EIF3A: variants seen among roughly 807,000 people sequenced by gnomAD.
The protein encoded by EIF3A is EIF3, p180 subunit.
EIF3A carries 21 observed loss-of-function variants against 186.6 expected under a neutral mutation model. The ratio of observed to expected loss-of-function variants is 0.11; its 90% confidence interval spans 0.08 to 0.16. The LOEUF (loss-of-function observed/expected upper bound fraction) is 0.16. Ranked by LOEUF, EIF3A falls within the 10% of genes least tolerant of loss-of-function variation. The pLI is 1.00. For missense variants in EIF3A, 1,306 were observed against 1,796.3 expected, an observed-to-expected ratio of 0.73 and a Z score of 4.93; for synonymous variants, 563 against 584.3, an observed-to-expected ratio of 0.96 and a Z score of 0.52.
At position 119,044,063 on chromosome 10, in the gene EIF3A, G is replaced by A. The variant is rs769492560; in HGVS notation, c.2738C>T (p.Pro913Leu). ...CCTCAACTCTACTTACTTCTCTGGC[G>A]GGCCTCTTCTCCACTCAGAATCTGC... Reference protein sequence around the residue: ...PEADSEWRRGPPEKEWRRGEG... With the variant: ...PEADSEWRRGLPEKEWRRGEG... The change falls in exon 18 of 22, where the codon CCG (proline) becomes CTG (leucine). Residue 913 changes from proline to leucine, a missense_variant. Physicochemically the swap from Pro to Leu is moderately conservative, Grantham distance 98. This residue lies in a region of EIF3A where 410 missense variants were observed against 473.5 expected (regional missense o/e 0.87). Transcript: ENST00000369144. 1.4e-5 allele frequency: 22 copies of A among 1,611,658 alleles called. No homozygotes were observed. Among genetic ancestry groups the A allele is most frequent in the East Asian group, 4.5e-5 (2 of 44,866 alleles).
In EIF3A at chr10:119,060,844, C is replaced by T; in HGVS notation, c.1228G>A (p.Val410Ile). 1.9e-6 allele frequency: 3 copies of T among 1,588,408 alleles called. No individual in the cohort carries two copies. In the Admixed American group the frequency reaches 5.4e-5, roughly 28 times the overall value. The change falls in exon 9 of 22, where the codon GTT (valine) becomes ATT (isoleucine). Residue 410 changes from valine (V) to isoleucine (I), a missense_variant and splice_region_variant. Coordinates refer to ENST00000369144, the MANE Select transcript of EIF3A (RefSeq NM_003750.4). ...PLKLCERVTK[V>I]LNWVREQPEK... ...GGTTGTTCCCTAACCCAATTTAGAA[C>T]CTATAAAATCCATTAAATTGAAAGA...
At chr10:119,049,111 T>C (rs752037042) in intron 17 of EIF3A, among the ~76,000 whole-genome samples, 15 of 152,180 alleles carry the variant, frequency 9.9e-5, no homozygotes, top group Non-Finnish European at 1.9e-4. Context: ...ACAAGTATAA[T>C]TCTTCCCCCC....
intron 7 of EIF3A, among the ~76,000 whole-genome samples, chr10:119,063,548 T>TA (rs918606517): frequency 6.6e-6 from 1 of 152,222 alleles, no homozygotes; most frequent in African/African-American, 2.4e-5. Context: ...TAGGGACTGT[T>TA]AATGATTTAA....
intron 14 of EIF3A, among the ~76,000 whole-genome samples, chr10:119,056,160 G>GT (rs1456635797): frequency 6.6e-6 from 1 of 152,066 alleles, no homozygotes; most frequent in African/African-American, 2.4e-5. Context: ...ATTTGGTGCC[G>GT]TAAGCATTTG....
chr10:119,048,039 A>G (rs557662335), intron 17 of EIF3A, among the ~76,000 whole-genome samples: 2 of 152,206 alleles, frequency 1.3e-5, no homozygotes, highest in East Asian at 3.9e-4. Flanking sequence ...TTGCTCCCCA[A>G]TGGCTACAGC....
chr10:119,068,646 A>C (rs1417460585), intron 6 of EIF3A, among the ~76,000 whole-genome samples: 1 of 151,450 alleles, frequency 6.6e-6, no homozygotes, highest in East Asian at 1.9e-4. Flanking sequence ...CCTGGGCGAT[A>C]AGAGCGAAGG....
chr10:119,065,278 C>G (rs1275595737), intron 7 of EIF3A, 121 bp downstream of exon 7: 1 of 730,360 alleles, frequency 1.4e-6, no homozygotes, highest in East Asian at 2.7e-5. Flanking sequence ...CAGTGCTTCC[C>G]TGTCCATACA....
At chr10:119,073,629 A>C in intron 2 of EIF3A, 52 bp from the exon 3 acceptor site, 1 of 1,586,190 alleles carries the variant, frequency 6.3e-7, no homozygotes, top group Non-Finnish European at 8.6e-7. Flanking sequence ...ATTGAACCAT[A>C]AGATGTTTTA....
chr10:119,056,340 C>G (rs1475774622), intron 14 of EIF3A, among the ~76,000 whole-genome samples: 2 of 152,044 alleles, frequency 1.3e-5, no homozygotes, highest in Non-Finnish European at 2.9e-5. Flanking sequence ...TTGCCTAGGG[C>G]TGGGGTGGTG....
chr10:119,059,640 G>A lies in EIF3A; in HGVS notation c.1405C>T (p.Arg469Trp), dbSNP rs770069171. 53 of 1,613,934 alleles carry A rather than the reference G, an allele frequency of 3.3e-5. No individual in the cohort carries two copies. The highest frequency in any genetic ancestry group is 1.6e-4 in the Middle Eastern group (1 of 6,084). Residue 469 changes from arginine (R) to tryptophan (W), a missense_variant, in exon 10 of 22, where the codon CGG becomes TGG. Arg to Trp is a moderately radical substitution (Grantham distance 101). Transcript: ENST00000369144. ...VPFVDAFQLE[R>W]AIVDAARHCD... Reference sequence around the variant, plus strand: ...TGCCTGGCTGCATCTACTATGGCCCGTTCCAGTTGGAAAGCATCAACAAAA... The same window carrying A: ...TGCCTGGCTGCATCTACTATGGCCCATTCCAGTTGGAAAGCATCAACAAAA...
chr10:119,038,458 A>T lies in EIF3A; in HGVS notation c.3527-19T>A. The T allele has an allele frequency of 1.3e-6, 2 of 1,576,728 alleles. No homozygotes were observed. Among genetic ancestry groups the T allele is most frequent in the Non-Finnish European group, 1.7e-6 (2 of 1,161,984 alleles). ...CATCCACCTGTTTTTTTGAAAAAGC[A>T]AAACATTTTTAAAATATTTTTAAAA... is the stretch of plus-strand genomic sequence containing the variant. On this transcript the variant is annotated intron_variant, in intron 19 of 21. Coordinates refer to ENST00000369144, the MANE Select transcript of EIF3A (RefSeq NM_003750.4).
intron 1 of EIF3A, 25 bp from the exon 2 acceptor site, chr10:119,073,962 T>C: frequency 1.9e-6 from 3 of 1,569,540 alleles, no homozygotes; most frequent in Non-Finnish European, 2.6e-6. Flanking sequence ...AGAATTAAAA[T>C]TAGTTATGTA....
chr10:119,059,652 A>G lies in EIF3A; in HGVS notation c.1393T>C (p.Phe465Leu). 6.2e-7 allele frequency: 1 copy of G among 1,614,180 alleles called. No homozygotes were observed. Among genetic ancestry groups the G allele is most frequent in the Non-Finnish European group, 8.5e-7 (1 of 1,179,996 alleles). Residue 465 changes from phenylalanine to leucine, a missense_variant, in exon 10 of 22, where the codon TTC becomes CTC. Coordinates refer to ENST00000369144, the MANE Select transcript of EIF3A (RefSeq NM_003750.4). Reference sequence around the variant, plus strand: ...TCTACTATGGCCCGTTCCAGTTGGAAAGCATCAACAAAAGGAACCAAAGAA... The same window carrying G: ...TCTACTATGGCCCGTTCCAGTTGGAGAGCATCAACAAAAGGAACCAAAGAA... Reference protein sequence around the residue: ...LTSLVPFVDAFQLERAIVDAA... With the variant: ...LTSLVPFVDALQLERAIVDAA...
In EIF3A at chr10:119,042,685, A is replaced by G; in HGVS notation, c.2835T>C (p.Asp945=). ...ERPRRLGDDE[D]REPSLRPDDD... is the part of the protein sequence containing the mutation. ...CGTCTGGTCTAAGAGAGGGCTCTCT[A>G]TCTTCATCATCCCCCAGACGCCGGG... is the stretch of plus-strand genomic sequence containing the variant. The change falls in exon 19 of 22, where the codon GAT becomes GAC. Residue 945 remains aspartate, a synonymous_variant. Transcript: ENST00000369144. This position sits in a 1 kb window ranked among gnomAD's most constrained non-coding sequence, Gnocchi z 7.8. 2 of 1,614,110 alleles carry G rather than the reference A, an allele frequency of 1.2e-6. No homozygotes were observed. Among genetic ancestry groups the G allele is most frequent in the South Asian group, 1.1e-5 (1 of 91,066 alleles).
At position 119,074,655 on chromosome 10, in the gene EIF3A, C is replaced by T. The variant is rs147204759; in HGVS notation, c.50-718G>A. 2.3e-3 allele frequency among the ~76,000 whole-genome samples: 339 copies of T among 150,454 alleles called. 3 individuals are homozygous for T. The highest frequency in any genetic ancestry group is 7.7e-3 in the African/African-American group (318 of 41,070). ...AAATAAAAAAATAGAAAAATGGGGC[C>T]GGGAGCGGTGGCTTATGCCTGTAAT... is the stretch of plus-strand genomic sequence containing the variant. On this transcript the variant is annotated intron_variant, in intron 1 of 21. Transcript: ENST00000369144.
At chr10:119,053,074 C>T (rs377697844) in intron 14 of EIF3A, among the ~76,000 whole-genome samples, 1 of 152,182 alleles carries the variant, frequency 6.6e-6, no homozygotes, top group Non-Finnish European at 1.5e-5. Flanking sequence ...CGATCAGATG[C>T]ATTGTCAATG....
intron 1 of EIF3A, among the ~76,000 whole-genome samples, chr10:119,075,085 C>T (rs1304180719): frequency 6.6e-6 from 1 of 150,430 alleles, no homozygotes; most frequent in East Asian, 2.0e-4. Context: ...CCTCAGCCTC[C>T]TGAGTAGCTG....
chr10:119,037,259 C>T lies in EIF3A; in HGVS notation c.3779G>A (p.Arg1260Lys). 1 of 1,614,168 alleles carries T rather than the reference C, an allele frequency of 6.2e-7. No individual in the cohort carries two copies. The highest frequency in any genetic ancestry group is 2.2e-5 in the East Asian group (1 of 44,886). ...RGPAEESSSWRDSSRRDDRDR... is the reference protein window; with the variant it reads ...RGPAEESSSWKDSSRRDDRDR... Reference sequence around the variant, plus strand: ...CCTATCGTCCCGGCGACTTGAGTCTCTCCAGCTTGAAGATTCCTCAGCTGG... The same window carrying T: ...CCTATCGTCCCGGCGACTTGAGTCTTTCCAGCTTGAAGATTCCTCAGCTGG... Residue 1260 changes from arginine (R) to lysine (K), a missense_variant, in exon 21 of 22, where the codon AGA becomes AAA. Arg to Lys is a conservative substitution (Grantham distance 26). Coordinates refer to ENST00000369144, the MANE Select transcript of EIF3A (RefSeq NM_003750.4).
chr10:119,049,677 G>A (rs955791720), intron 17 of EIF3A, 124 bp downstream of exon 17: 23 of 758,138 alleles, frequency 3.0e-5, no homozygotes, highest in South Asian at 5.5e-5. Flanking sequence ...ACTTGAACCC[G>A]GGGGCTGAGA....
Sources: gnomAD v4.1 joint callset for allele counts (sites outside exome capture counted in the v4.1 genomes callset) on GRCh38, gnomAD v4.1.1 for gene constraint, gnomAD v4.1.1 regional missense constraint, Gnocchi (gnomAD v3.1) non-coding constraint, MANE v1.5 for transcripts, NCBI Gene and HGNC (gene_info 2026-07-23, HGNC 2026-07-21) for gene names.